The following GRIK3 variants were observed in gnomAD, a reference collection of about 807,000 sequenced individuals.
GRIK3 encodes glutamate ionotropic receptor kainate type subunit 3.
In GRIK3, 29 loss-of-function variants were observed where a neutral mutation model predicts 102.5. The ratio of observed to expected loss-of-function variants is 0.28; its 90% CI spans 0.21 to 0.39. GRIK3 has a LOEUF of 0.39. Ranked by LOEUF, GRIK3 falls within the 10% of genes least tolerant of loss-of-function variation. The probability of loss-of-function intolerance (pLI) is 1.00; values close to 1 mark genes in which losing one functional copy is unlikely to be tolerated. For synonymous variants in GRIK3, 511 were observed against 504.9 expected (o/e 1.01, Z -0.16); for missense variants, 908 against 1,252.4 (o/e 0.73, Z 4.15).
intron 13 of GRIK3, among the ~76,000 whole-genome samples, chr1:36,812,898 C>T (rs1642579698): frequency 6.6e-6 from 1 of 152,248 alleles, no homozygotes; most frequent in Non-Finnish European, 1.5e-5. Flanking sequence ...ATATTATCTC[C>T]TGCACTTGTG....
chr1:37,000,851 A>AT (rs1642469230), intron 1 of GRIK3, among the ~76,000 whole-genome samples: 1 of 152,158 alleles, frequency 6.6e-6, no homozygotes, highest in Non-Finnish European at 1.5e-5. Flanking sequence ...GCAGATCCAA[A>AT]TTCCTTTCTC....
In GRIK3 at chr1:36,956,112, C is replaced by T. The variant is rs371813926; in HGVS notation, c.116-65016G>A. On this transcript the variant is annotated intron_variant, in intron 1 of 15. Transcript: ENST00000373091. ...GCCGTGGGGTGCTCGGCCTGGGGGA[C>T]GGCAGGCCCTAGAACTCTGCTCCCC... Among the ~76,000 whole-genome samples, 3 of 152,322 alleles carry T rather than the reference C, an allele frequency of 2.0e-5. No homozygotes were observed. In the South Asian group the frequency reaches 6.2e-4, roughly 32 times the overall value.
intron 1 of GRIK3, among the ~76,000 whole-genome samples, chr1:37,032,395 C>T (rs1287436548): frequency 6.6e-6 from 1 of 152,072 alleles, no homozygotes; most frequent in African/African-American, 2.4e-5. Context: ...CTCAGTCCCC[C>T]CACCTTTTTC....
intron 5 of GRIK3, among the ~76,000 whole-genome samples, chr1:36,867,578 C>T (rs963084856): frequency 3.3e-5 from 5 of 152,122 alleles, no homozygotes; most frequent in African/African-American, 1.2e-4. Context: ...AGAAAGAATG[C>T]TCTCTAAGGT....
chr1:36,877,101 T>A (rs1640919404), intron 3 of GRIK3, among the ~76,000 whole-genome samples: 1 of 152,152 alleles, frequency 6.6e-6, no homozygotes, highest in South Asian at 2.1e-4. Flanking sequence ...GTACTTATAG[T>A]CAGAGCTAAA....
intron 1 of GRIK3, among the ~76,000 whole-genome samples, chr1:37,000,410 G>A (rs1026759838): frequency 4.6e-5 from 7 of 152,164 alleles, no homozygotes; most frequent in African/African-American, 1.4e-4. Flanking sequence ...TATGGGGTAA[G>A]TGCTATTAAC....
chr1:36,957,420 CCCATGAGCCTCTGTGCT>C (rs1641926493), intron 1 of GRIK3, among the ~76,000 whole-genome samples: 1 of 119,986 alleles, frequency 8.3e-6, no homozygotes, highest in African/African-American at 3.1e-5. Flanking sequence ...GCCTGTGTGC[CCCATGAGCCTCTGTGCT>C]CTGTGAGTCT....
chr1:36,980,210 C>T (rs541652775), intron 1 of GRIK3, among the ~76,000 whole-genome samples: 1 of 152,196 alleles, frequency 6.6e-6, no homozygotes, highest in Non-Finnish European at 1.5e-5. Context: ...CATAACCCTG[C>T]TTAATGCCTT....
rs529741190 is a variant in GRIK3, at chr1:36,881,238, TC to T, written c.293-348del. ...TCACCATCTCTGTGCCAGGTTCTGT[TC>T]TTGGGGGACTTGAGAAACAAATAGA... On this transcript the variant is annotated intron_variant, in intron 2 of 15. Coordinates refer to ENST00000373091, the MANE Select transcript of GRIK3 (RefSeq NM_000831.4). 9.9e-5 allele frequency among the ~76,000 whole-genome samples: 15 copies of T among 152,244 alleles called. No individual in the cohort carries two copies. In the East Asian group the frequency reaches 2.9e-3, roughly 29 times the overall value.
intron 1 of GRIK3, among the ~76,000 whole-genome samples, chr1:36,975,502 G>C (rs904400158): frequency 3.9e-5 from 6 of 152,130 alleles, no homozygotes; most frequent in African/African-American, 1.4e-4. Flanking sequence ...CACTGTATTA[G>C]CCAGTATGGT....
At chr1:36,939,377 A>G (rs1641695598) in intron 1 of GRIK3, among the ~76,000 whole-genome samples, 1 of 152,270 alleles carries the variant, frequency 6.6e-6, no homozygotes, top group Non-Finnish European at 1.5e-5. Context: ...CAAGCAAAGA[A>G]CAAACCCCTT....
intron 1 of GRIK3, among the ~76,000 whole-genome samples, chr1:36,960,817 G>T (rs1641999558): frequency 6.6e-6 from 1 of 152,192 alleles, no homozygotes; most frequent in Non-Finnish European, 1.5e-5. Flanking sequence ...CCCCCACCCT[G>T]CGATGACCAA....
chr1:36,990,262 G>T (rs560468035), intron 1 of GRIK3, among the ~76,000 whole-genome samples: 2 of 152,142 alleles, frequency 1.3e-5, no homozygotes, highest in African/African-American at 2.4e-5. Flanking sequence ...CCATCCACCC[G>T]ACTGGGCACC....
At chr1:36,869,913 C>T in intron 4 of GRIK3, 112 bp from the exon 5 acceptor site, 1 of 762,366 alleles carries the variant, frequency 1.3e-6, no homozygotes, top group South Asian at 1.5e-5. Context: ...AGGCTGGCTG[C>T]TTGGAGTAAG....
At position 36,953,000 on chromosome 1, in the gene GRIK3, C is replaced by T. The variant is rs138273150; in HGVS notation, c.116-61904G>A. On this transcript the variant is annotated intron_variant, in intron 1 of 15. Transcript: ENST00000373091. ...ATCAGGGTGTCCATGCTGTGTCCTC[C>T]GAAGGGCTCTGCAGGCTGACCCAGG... 3.3e-3 allele frequency among the ~76,000 whole-genome samples: 502 copies of T among 152,266 alleles called. 5 individuals carry two copies. The highest frequency in any genetic ancestry group is 0.01 in the African/African-American group (416 of 41,544).
At chr1:36,833,002 CTG>C (rs1158638653) in intron 10 of GRIK3, among the ~76,000 whole-genome samples, 1 of 152,194 alleles carries the variant, frequency 6.6e-6, no homozygotes, top group African/African-American at 2.4e-5. Flanking sequence ...TTGTAAGTCA[CTG>C]TGGGACGCCC....
chr1:36,867,026 G>GTACA (rs1354223418), intron 5 of GRIK3, among the ~76,000 whole-genome samples: 1 of 152,182 alleles, frequency 6.6e-6, no homozygotes, highest in Non-Finnish European at 1.5e-5. Context: ...ATCCATCTAT[G>GTACA]TACACCCCTC....
intron 1 of GRIK3, among the ~76,000 whole-genome samples, chr1:36,959,836 G>A (rs822859): frequency 2.0e-5 from 2 of 100,316 alleles, no homozygotes; most frequent in Non-Finnish European, 2.1e-5. Flanking sequence ...TGTGCCCTGT[G>A]AGTCTGTGTG....
At chr1:36,951,199 G>A (rs927727910) in intron 1 of GRIK3, among the ~76,000 whole-genome samples, 1 of 152,198 alleles carries the variant, frequency 6.6e-6, no homozygotes, top group South Asian at 2.1e-4. Flanking sequence ...GTCCTCTGAG[G>A]GTCAGGACAT....
Sources: allele counts gnomAD v4.1 joint callset (sites outside exome capture counted in the v4.1 genomes callset), GRCh38; gene constraint gnomAD v4.1.1; transcripts MANE v1.5; gene names NCBI Gene and HGNC (gene_info 2026-07-23, HGNC 2026-07-21).